ANKRD30A: variants seen among roughly 807,000 people sequenced by gnomAD.
The protein encoded by ANKRD30A is ankyrin repeat domain-containing protein 30A.
Under a neutral mutation model 166.3 loss-of-function variants are expected in ANKRD30A, and 170 were observed. The observed-to-expected ratio is 1.02, with a 90% CI of 0.90 to 1.16. ANKRD30A has a LOEUF of 1.16. Ranked by LOEUF, ANKRD30A falls within the 50% of genes most tolerant of loss-of-function variation. The pLI is 0.00. For missense variants in ANKRD30A, 1,630 were observed against 1,518.0 expected, an observed-to-expected ratio of 1.07 and a Z score of -1.23; for synonymous variants, 564 against 508.9, an observed-to-expected ratio of 1.11 and a Z score of -1.46.
intron 15 of ANKRD30A, among the ~76,000 whole-genome samples, chr10:37,161,036 G>T (rs183308126): frequency 1.3e-5 from 2 of 152,280 alleles, no homozygotes; most frequent in African/African-American, 2.4e-5. Flanking sequence ...GGCAGATCAC[G>T]AGGTTAGGAG....
chr10:37,248,228 C>T, the ANKRD30A span: 1 of 624,004 alleles, frequency 1.6e-6, no homozygotes, highest in South Asian at 1.4e-5. Flanking sequence ...ATGCCAAAGA[C>T]TTCAACACAA....
intron 31 of ANKRD30A, among the ~76,000 whole-genome samples, chr10:37,206,224 T>G (rs1418962979): frequency 3.3e-5 from 5 of 152,076 alleles, no homozygotes; most frequent in Admixed American, 1.3e-4. Flanking sequence ...AGCTATGAAC[T>G]TAATTTTGAG....
At position 37,197,187 on chromosome 10, in the gene ANKRD30A, C is replaced by T. The variant is rs1311403591; in HGVS notation, c.2615-94C>T. 6 of 1,512,286 alleles carry T rather than the reference C, an allele frequency of 4.0e-6. No individual in the cohort carries two copies. In the African/African-American group the frequency reaches 8.2e-5, roughly 21 times the overall value. 93.7% of individuals were successfully genotyped at this position (1,512,286 alleles called of 1,614,324 possible). A position where few individuals can be genotyped will look rare whatever the true frequency, so the allele number is the denominator to read the frequency against. On this transcript the variant is annotated intron_variant, in intron 27 of 35. Coordinates refer to ENST00000361713, the MANE Select transcript of ANKRD30A (RefSeq NM_052997.3). ...TAAAGTATTCATTCTCCAATTGGAG[C>T]AAGAGGAGTCAGTTAGATACTATCA...
At chr10:37,138,527 C>G (rs1836873190) in intron 6 of ANKRD30A, among the ~76,000 whole-genome samples, 1 of 151,994 alleles carries the variant, frequency 6.6e-6, no homozygotes, top group Non-Finnish European at 1.5e-5. Flanking sequence ...CAGAGAAGTC[C>G]TTAAAGGACC....
At chr10:37,154,612 GA>G (rs34792455) in intron 13 of ANKRD30A, among the ~76,000 whole-genome samples, 2 of 151,986 alleles carry the variant, frequency 1.3e-5, no homozygotes, top group South Asian at 2.1e-4. Flanking sequence ...GAAAGAGTGG[GA>G]AAAAAATTTT....
Position 37,142,379 on chromosome 10 carries a change from C to T in ANKRD30A, c.1393+89C>T. The T allele has an allele frequency of 2.4e-6, 3 of 1,228,498 alleles. No individual in the cohort carries two copies. In the South Asian group the frequency reaches 4.7e-5, roughly 19 times the overall value. The allele number at this position is 1,228,498 out of a possible 1,614,324, so 76.1% of individuals were successfully genotyped here. On this transcript the variant is annotated intron_variant, in intron 7 of 35. Transcript: ENST00000361713. Reference sequence around the variant, plus strand: ...GTGATATGGGAGTAGTTGGGAATGACTTGAATATCTAAATAAGGCGAGCTT... The same window carrying T: ...GTGATATGGGAGTAGTTGGGAATGATTTGAATATCTAAATAAGGCGAGCTT...
intron 26 of ANKRD30A, 42 bp from the exon 27 acceptor site, chr10:37,193,144 T>A: frequency 6.2e-7 from 1 of 1,606,628 alleles, no homozygotes; most frequent in Non-Finnish European, 8.5e-7. Flanking sequence ...TTTTATGAAG[T>A]ATACATTGTA....
At chr10:37,162,919 C>A in intron 17 of ANKRD30A, 71 bp downstream of exon 17, 1 of 1,542,022 alleles carries the variant, frequency 6.5e-7, no homozygotes, top group African/African-American at 1.4e-5. Flanking sequence ...CTTTCTGTAC[C>A]CAATGGTTTA....
chr10:37,171,709 A>G (rs940374023), intron 21 of ANKRD30A, among the ~76,000 whole-genome samples: 3 of 151,156 alleles, frequency 2.0e-5, no homozygotes, highest in Non-Finnish European at 4.4e-5. Flanking sequence ...TTTCTTTTTT[A>G]AAAAGATATA....
chr10:37,152,362 G>A (rs1470116794), intron 12 of ANKRD30A, among the ~76,000 whole-genome samples: 1 of 152,036 alleles, frequency 6.6e-6, no homozygotes, highest in African/African-American at 2.4e-5. Flanking sequence ...AAAAACTAAG[G>A]CTTAGAATTC....
the ANKRD30A span, among the ~76,000 whole-genome samples, chr10:37,242,925 T>G: frequency 1.3e-5 from 2 of 152,230 alleles, no homozygotes; most frequent in Admixed American, 1.3e-4. Context: ...GCTGCATTTT[T>G]ATGCTTGTTT....
chr10:37,144,019 A>G (rs1430488132), intron 7 of ANKRD30A, among the ~76,000 whole-genome samples: 1 of 151,832 alleles, frequency 6.6e-6, no homozygotes, highest in Non-Finnish European at 1.5e-5. Context: ...CTCAATTTAC[A>G]CATTTAAATA....
intron 25 of ANKRD30A, among the ~76,000 whole-genome samples, chr10:37,191,755 G>A (rs1840596015): frequency 6.6e-6 from 1 of 151,852 alleles, no homozygotes; most frequent in Non-Finnish European, 1.5e-5. Context: ...CAGCACTTTG[G>A]GAGGCAAAGG....
At chr10:37,197,172 A>T in intron 27 of ANKRD30A, 109 bp from the exon 28 acceptor site, 2 of 1,442,368 alleles carry the variant, frequency 1.4e-6, no homozygotes, top group Non-Finnish European at 1.9e-6. Flanking sequence ...TAAAGTATTC[A>T]TTCTCCAATT....
At chr10:37,131,818 T>C (rs923854148) in intron 3 of ANKRD30A, among the ~76,000 whole-genome samples, 4 of 152,192 alleles carry the variant, frequency 2.6e-5, no homozygotes, top group African/African-American at 4.8e-5. Flanking sequence ...GTAGAATATG[T>C]TGGGGTACAG....
intron 18 of ANKRD30A, 68 bp downstream of exon 18, chr10:37,165,223 T>C (rs1839221428): frequency 7.0e-7 from 1 of 1,437,168 alleles, no homozygotes; most frequent in Non-Finnish European, 9.7e-7. Flanking sequence ...ATCAGATGCT[T>C]AGTCTTTATT....
chr10:37,129,903 C>A lies in ANKRD30A; in HGVS notation c.232C>A (p.His78Asn), dbSNP rs1564461649. The A allele has an allele frequency of 2.6e-6, 4 of 1,540,024 alleles. No individual in the cohort carries two copies. Among genetic ancestry groups the A allele is most frequent in the African/African-American group, 1.4e-5 (1 of 72,050 alleles). Residue 78 changes from histidine (H) to asparagine (N), a missense_variant, in exon 2 of 36, where the codon CAC becomes AAC. Around this residue, in one of 4 missense-constraint regions of ANKRD30A, gnomAD observed 904 missense variants for 818.5 expected, o/e 1.10. Transcript: ENST00000361713. ...IQDAQKRTAL[H>N]WACVNGHEEV... ...CTCTCACTCTCGTAGGACTGCTCTACACTGGGCCTGTGTCAATGGCCATGA... is the reference window on the plus strand; with the variant it reads ...CTCTCACTCTCGTAGGACTGCTCTAAACTGGGCCTGTGTCAATGGCCATGA...
At chr10:37,195,342 G>A (rs1782085) in intron 27 of ANKRD30A, among the ~76,000 whole-genome samples, 10,511 of 152,072 alleles carry the variant, frequency 0.069, 449 homozygotes, top group Middle Eastern at 0.11. Context: ...GTCTCATGGC[G>A]CTGTGCTCTC....
rs566037932 is a variant in ANKRD30A at position 37,217,771 on chromosome 10, A to G, written c.3160A>G (p.Arg1054Gly). 1.1e-5 allele frequency: 17 copies of G among 1,597,956 alleles called. No individual in the cohort carries two copies. The East Asian group carries it at 3.0e-4, about 28-fold the overall frequency. The change falls in exon 33 of 36, where the codon AGA (arginine) becomes GGA (glycine). Residue 1054 changes from arginine (R) to glycine (G), a missense_variant. Physicochemically the swap from Arg to Gly is moderately radical, Grantham distance 125. Around this residue, in one of 4 missense-constraint regions of ANKRD30A, gnomAD observed 712 missense variants for 629.3 expected, o/e 1.13. Transcript: ENST00000361713. ...LNEKIREELG[R>G]IEEQHRKELE... Reference sequence around the variant, plus strand: ...TGAAAAAATTAGGGAAGAATTAGGAAGAATCGAAGAGCAGCATAGGAAAGA... The same window carrying G: ...TGAAAAAATTAGGGAAGAATTAGGAGGAATCGAAGAGCAGCATAGGAAAGA...
Sources: allele counts gnomAD v4.1 joint callset (sites outside exome capture counted in the v4.1 genomes callset), GRCh38; gene constraint gnomAD v4.1.1; regional missense constraint gnomAD v4.1.1; transcripts MANE v1.5; gene names NCBI Gene and HGNC (gene_info 2026-07-23, HGNC 2026-07-21).